Variants in TAC4 observed in about 807,000 individuals in gnomAD.
TAC4 encodes tachykinin precursor 4, also known as tachykinin-4.
TAC4 carries 17 observed loss-of-function variants against 17.7 expected under a neutral mutation model. The ratio of observed to expected loss-of-function variants is 0.96; its 90% CI spans 0.66 to 1.44. The LOEUF (loss-of-function observed/expected upper bound fraction) is 1.44, where lower values mean the gene tolerates loss of function less well. TAC4 is among the 40% of genes most tolerant of loss of function. The pLI, the probability that TAC4 is intolerant of heterozygous loss-of-function variation, is 0.00. For missense variants in TAC4, 118 were observed against 125.6 expected (o/e 0.94, Z 0.29); for synonymous variants, 62 against 52.4 (o/e 1.18, Z -0.79).
chr17:49,847,257 G>A, intron 1 of TAC4: 1 of 1,289,280 alleles, frequency 7.8e-7, no homozygotes, highest in South Asian at 1.2e-5. Context: ...TTTGTCTCTG[G>A]CTTGTTGGTA....
chr17:49,847,971 C>T lies in TAC4; in HGVS notation c.47G>A (p.Cys16Tyr), dbSNP rs763326842. ...ALLLLMELSV[C>Y]TVAGDGGEEQ... ...CTCTCCACCATCACCTGCCACAGTGCACACGGACAGCTCCATCAGGAGAAG... is the reference window on the plus strand; with the variant it reads ...CTCTCCACCATCACCTGCCACAGTGTACACGGACAGCTCCATCAGGAGAAG... Residue 16 changes from cysteine (C) to tyrosine (Y), a missense_variant, in exon 1 of 5, where the codon TGC (cysteine) becomes TAC (tyrosine). By Grantham distance (194) the Cys-to-Tyr change is radical. Transcript: ENST00000436235. The T allele has an allele frequency of 6.2e-7, 1 of 1,614,202 alleles. No homozygotes were observed. The highest frequency in any genetic ancestry group is 8.5e-7 in the Non-Finnish European group (1 of 1,180,038).
At chr17:49,847,409 C>T (rs1319651138) in intron 1 of TAC4, 2 of 582,196 alleles carry the variant, frequency 3.4e-6, no homozygotes, top group East Asian at 1.4e-4. Context: ...TAAGTTGATC[C>T]CCTTGAAAGA....
chr17:49,841,733 T>C, intron 2 of TAC4, 149 bp from the exon 3 acceptor site: 1 of 794,030 alleles, frequency 1.3e-6, no homozygotes, highest in East Asian at 3.3e-5. Context: ...TCTGTGGCAG[T>C]AGGAATGTGC....
intron 1 of TAC4, chr17:49,846,959 C>T (rs1410094854): frequency 1.6e-6 from 2 of 1,288,028 alleles, no homozygotes; most frequent in Admixed American, 4.6e-5. Context: ...CAGAAAGAAG[C>T]AGGCATCAGT....
rs776835127 is a variant in TAC4 at position 49,847,956 on chromosome 17, T to C, written c.62A>G (p.Asp21Gly). 6 of 1,614,092 alleles carry C rather than the reference T, an allele frequency of 3.7e-6. No individual in the cohort carries two copies. The South Asian group carries it at 6.6e-5, about 18-fold the overall frequency. The change falls in exon 1 of 5, where the codon GAT (aspartate) becomes GGT (glycine). Residue 21 changes from aspartate to glycine, a missense_variant. By Grantham distance (94) the Asp-to-Gly change is moderately conservative. Transcript: ENST00000436235. Reference protein sequence around the residue: ...MELSVCTVAGDGGEEQTLSTE... With the variant: ...MELSVCTVAGGGGEEQTLSTE... Reference sequence around the variant, plus strand: ...GCTGAGTGTCTGTTCCTCTCCACCATCACCTGCCACAGTGCACACGGACAG... The same window carrying C: ...GCTGAGTGTCTGTTCCTCTCCACCACCACCTGCCACAGTGCACACGGACAG...
intron 2 of TAC4, among the ~76,000 whole-genome samples, chr17:49,842,627 A>G (rs181780922): frequency 6.6e-6 from 1 of 152,078 alleles, no homozygotes; most frequent in East Asian, 1.9e-4. Flanking sequence ...GGTTTTCTCT[A>G]TTTTTATATG....
At chr17:49,841,619 G>C in intron 2 of TAC4, 35 bp from the exon 3 acceptor site, 1 of 1,524,942 alleles carries the variant, frequency 6.6e-7, no homozygotes, top group South Asian at 1.3e-5. Context: ...ACTACGGACT[G>C]CACTGCTTCC....
intron 3 of TAC4, among the ~76,000 whole-genome samples, chr17:49,840,887 CTTTTTT>C (rs778120935): frequency 3.8e-5 from 3 of 79,562 alleles, no homozygotes; most frequent in East Asian, 3.8e-4. Flanking sequence ...TAGATTTGTA[CTTTTTT>C]TTTTTTTTTT....
At chr17:49,839,957 G>T (rs1402285808) in intron 3 of TAC4, 48 bp from the exon 4 acceptor site, 1 of 1,589,888 alleles carries the variant, frequency 6.3e-7, no homozygotes, top group Non-Finnish European at 8.6e-7. Context: ...AGCAGAGGTA[G>T]GCTGTTTTGG....
chr17:49,844,399 C>T (rs1421712583), intron 1 of TAC4, among the ~76,000 whole-genome samples: 1 of 151,940 alleles, frequency 6.6e-6, no homozygotes, highest in Non-Finnish European at 1.5e-5. Flanking sequence ...ACCAAAACAC[C>T]AGGAAAACAG....
At chr17:49,842,270 C>G (rs1009169126) in intron 2 of TAC4, among the ~76,000 whole-genome samples, 2 of 151,954 alleles carry the variant, frequency 1.3e-5, no homozygotes, top group Non-Finnish European at 2.9e-5. Flanking sequence ...TTGGCTCACA[C>G]CTGTAATCCC....
chr17:49,839,820 C>T, intron 4 of TAC4, 30 bp downstream of exon 4: 3 of 1,600,750 alleles, frequency 1.9e-6, no homozygotes, highest in Non-Finnish European at 2.6e-6. Flanking sequence ...TCCCATGATG[C>T]CCTTGCAACC....
At chr17:49,843,969 C>T (rs1455896679) in intron 2 of TAC4, 95 bp downstream of exon 2, 7 of 1,127,982 alleles carry the variant, frequency 6.2e-6, no homozygotes, top group Admixed American at 1.7e-5. Flanking sequence ...AGTACCTGAC[C>T]CCAGTTACTG....
At position 49,838,488 on chromosome 17, in the gene TAC4, G is replaced by C; in HGVS notation, c.*154C>G. 1 of 864,752 alleles carries C rather than the reference G, an allele frequency of 1.2e-6. No homozygotes were observed. Among genetic ancestry groups the C allele is most frequent in the Non-Finnish European group, 1.9e-6 (1 of 531,120 alleles). 53.6% of individuals were successfully genotyped at this position (864,752 alleles called of 1,614,324 possible). On this transcript the variant is annotated 3_prime_UTR_variant, in exon 5 of 5. Coordinates refer to ENST00000436235, the MANE Select transcript of TAC4 (RefSeq NM_001077506.2). Reference sequence around the variant, plus strand: ...CTGCTTGACACTGAGAGTCCAGGAAGAAGCCCAGTGGGTTCAGTGTGGGCC... The same window carrying C: ...CTGCTTGACACTGAGAGTCCAGGAACAAGCCCAGTGGGTTCAGTGTGGGCC...
At chr17:49,845,284 C>G (rs2074529601) in intron 1 of TAC4, among the ~76,000 whole-genome samples, 2 of 152,348 alleles carry the variant, frequency 1.3e-5, no homozygotes, top group Admixed American at 1.3e-4. Flanking sequence ...TGATGGCATC[C>G]TCAACCAAGG....
intron 3 of TAC4, 85 bp downstream of exon 3, chr17:49,841,467 C>A: frequency 7.1e-7 from 1 of 1,410,044 alleles, no homozygotes; most frequent in Non-Finnish European, 9.5e-7. Flanking sequence ...AGAGCATCTC[C>A]CCTCACCCAC....
Position 49,838,367 on chromosome 17 carries a change from C to A in TAC4, c.*275G>T, listed in dbSNP as rs1053563161. 1 of 549,902 alleles carries A rather than the reference C, an allele frequency of 1.8e-6. No homozygotes were observed. The highest frequency in any genetic ancestry group is 3.2e-6 in the Non-Finnish European group (1 of 310,866). 34.1% of individuals were successfully genotyped at this position (549,902 alleles called of 1,614,324 possible). A position where few individuals can be genotyped will look rare whatever the true frequency, so the allele number is the denominator to read the frequency against. On this transcript the variant is annotated 3_prime_UTR_variant, in exon 5 of 5. Coordinates refer to ENST00000436235, the MANE Select transcript of TAC4 (RefSeq NM_001077506.2). ...CACAGGATACAGAGTGTGCGAGTCT[C>A]CTCACTGCTGTGCAGTGAGATGCCA...
intron 2 of TAC4, among the ~76,000 whole-genome samples, chr17:49,842,657 A>G (rs1050505680): frequency 2.0e-5 from 3 of 152,254 alleles, no homozygotes; most frequent in Middle Eastern, 3.4e-3. Context: ...TTTTTATTAC[A>G]AAAGCAGTCC....
chr17:49,846,551 A>G (rs774874867), intron 1 of TAC4, among the ~76,000 whole-genome samples: 8 of 152,148 alleles, frequency 5.3e-5, no homozygotes, highest in Non-Finnish European at 1.2e-4. Context: ...TGCTGGGATT[A>G]CAGGCATGAG....
Sources: gnomAD v4.1 joint callset for allele counts (sites outside exome capture counted in the v4.1 genomes callset) on GRCh38, gnomAD v4.1.1 for gene constraint, MANE v1.5 for transcripts, NCBI Gene and HGNC (gene_info 2026-07-23, HGNC 2026-07-21) for gene names.